EFCAB8: variants seen among roughly 807,000 people sequenced by gnomAD.
EFCAB8 encodes EF-hand calcium binding domain 8, also known as EF-hand calcium-binding domain-containing protein 8.
EFCAB8 carries 100 observed loss-of-function variants against 116.3 expected under a neutral mutation model. The ratio of observed to expected loss-of-function variants is 0.86; its 90% CI spans 0.73 to 1.02. The LOEUF (loss-of-function observed/expected upper bound fraction) is 1.02. Among genes scored for constraint, EFCAB8 ranks in the 50% least tolerant of loss-of-function variants. The probability of loss-of-function intolerance (pLI) is 0.00; values close to 1 mark genes in which losing one functional copy is unlikely to be tolerated. For synonymous variants in EFCAB8, 558 were observed against 567.9 expected (o/e 0.98, Z 0.25); for missense variants, 1,320 against 1,416.9 (o/e 0.93, Z 1.10).
At chr20:32,944,235 T>TG (rs1028600335) in intron 23 of EFCAB8, among the ~76,000 whole-genome samples, 14 of 152,146 alleles carry the variant, frequency 9.2e-5, no homozygotes, top group African/African-American at 3.4e-4. Flanking sequence ...AACACTTTTT[T>TG]GTCCCCTTTT....
At chr20:32,875,529 G>GTTTT (rs1984925772) in intron 3 of EFCAB8, among the ~76,000 whole-genome samples, 1 of 65,572 alleles carries the variant, frequency 1.5e-5, no homozygotes, top group Non-Finnish European at 5.0e-5. Flanking sequence ...TTGAGACAGA[G>GTTTT]TTTTCTCTCT....
intron 6 of EFCAB8, among the ~76,000 whole-genome samples, chr20:32,888,636 G>A (rs1240538873): frequency 6.6e-6 from 1 of 152,190 alleles, no homozygotes; most frequent in Admixed American, 6.5e-5. Flanking sequence ...GATTACAGGC[G>A]TGAGCCACTG....
At chr20:32,904,174 G>T (rs1218893141) in intron 11 of EFCAB8, among the ~76,000 whole-genome samples, 5 of 151,598 alleles carry the variant, frequency 3.3e-5, no homozygotes, top group Non-Finnish European at 7.4e-5. Flanking sequence ...TAATTTTTTT[G>T]TACAGATGGG....
At chr20:32,905,149 C>T (rs1986616957) in intron 11 of EFCAB8, among the ~76,000 whole-genome samples, 1 of 152,200 alleles carries the variant, frequency 6.6e-6, no homozygotes, top group Admixed American at 6.5e-5. Flanking sequence ...GAGCTTCCTG[C>T]CACCTCCTGC....
chr20:32,915,911 G>A (rs191407805), intron 17 of EFCAB8, among the ~76,000 whole-genome samples: 109 of 152,204 alleles, frequency 7.2e-4, no homozygotes, highest in Middle Eastern at 3.4e-3. Context: ...GGCCTCAAGT[G>A]ATCCACCTGT....
chr20:32,916,445 G>C (rs977075583), intron 17 of EFCAB8, among the ~76,000 whole-genome samples: 5 of 152,042 alleles, frequency 3.3e-5, no homozygotes, highest in African/African-American at 1.2e-4. Flanking sequence ...TTTTTGTAGA[G>C]ATGTGGTCTT....
chr20:32,938,733 A>C (rs1988218260), intron 22 of EFCAB8, among the ~76,000 whole-genome samples: 1 of 149,786 alleles, frequency 6.7e-6, no homozygotes, highest in Admixed American at 6.6e-5. Context: ...GCAAAACTTG[A>C]TTCCTGAAAA....
intron 11 of EFCAB8, among the ~76,000 whole-genome samples, chr20:32,905,344 C>T (rs1986624832): frequency 6.6e-6 from 1 of 152,162 alleles, no homozygotes; most frequent in Admixed American, 6.5e-5. Context: ...GACAGGGACG[C>T]CTGTGTAGTT....
At position 32,866,516 on chromosome 20, in the gene EFCAB8, G is replaced by T. The variant is rs374008340; in HGVS notation, c.43-1066G>T. On this transcript the variant is annotated intron_variant, in intron 2 of 26. Transcript: ENST00000400522. The stretch of plus-strand genomic sequence containing the variant: ...AGGAAGCATCATGAGGCCTGGAGGG[G>T]TGGGGAAGGCTTCTGGGGGGATTTG... Among the ~76,000 whole-genome samples the T allele has an allele frequency of 5.3e-4, 80 of 151,908 alleles. 1 individual carries two copies. The highest frequency in any genetic ancestry group is 1.7e-3 in the African/African-American group (70 of 41,416).
At chr20:32,909,097 CG>C (rs1427358298) in intron 14 of EFCAB8, among the ~76,000 whole-genome samples, 1 of 152,146 alleles carries the variant, frequency 6.6e-6, no homozygotes, top group East Asian at 1.9e-4. Flanking sequence ...GGGGGCCGCT[CG>C]TGCTTGAGCT....
Position 32,930,540 on chromosome 20 carries a change from A to T in EFCAB8, c.2555A>T (p.Asp852Val), listed in dbSNP as rs1461206607. Residue 852 changes from aspartate to valine, a missense_variant, in exon 21 of 27, where the codon GAT becomes GTT. Asp to Val is a radical substitution (Grantham distance 152). Transcript: ENST00000400522. ...TTCCCTGTGGACCTAGACAATGGGG[A>T]TGTTGTCGTGGGTGCCATGGCCACT... Reference protein sequence around the residue: ...GKFPVDLDNGDVVVGAMATDK... With the variant: ...GKFPVDLDNGVVVVGAMATDK... 5.2e-6 allele frequency: 8 copies of T among 1,552,254 alleles called. No homozygotes were observed. Among genetic ancestry groups the T allele is most frequent in the Non-Finnish European group, 7.0e-6 (8 of 1,147,108 alleles).
At chr20:32,891,953 C>G (rs771643161) in intron 7 of EFCAB8, among the ~76,000 whole-genome samples, 1 of 152,092 alleles carries the variant, frequency 6.6e-6, no homozygotes, top group African/African-American at 2.4e-5. Context: ...CTTAGCCTCC[C>G]TAAGTGCTGG....
rs151046269 is a variant in EFCAB8, at chr20:32,960,275, C to T, written c.3393+114C>T. ...GCCCTTCAGTGAGGGTGGACAGGAG[C>T]CTTTGTCCTTTAACAGGATTCTGGG... On this transcript the variant is annotated intron_variant, in intron 26 of 26. Coordinates refer to ENST00000400522, the MANE Select transcript of EFCAB8 (RefSeq NM_001143967.2). 8,340 of 970,188 alleles carry T rather than the reference C, an allele frequency of 8.6e-3. 88 individuals are homozygous for T. The highest frequency in any genetic ancestry group is 8.4e-3 in the Non-Finnish European group (5,385 of 643,342). The allele number at this position is 970,188 out of a possible 1,614,324, so 60.1% of individuals were successfully genotyped here. A position where few individuals can be genotyped will look rare whatever the true frequency, so the allele number is the denominator to read the frequency against.
intron 6 of EFCAB8, among the ~76,000 whole-genome samples, chr20:32,887,083 C>T (rs987773498): frequency 6.6e-6 from 1 of 152,088 alleles, no homozygotes; most frequent in Non-Finnish European, 1.5e-5. Context: ...CTGGGGAGCC[C>T]GAGAGCGCAG....
chr20:32,900,676 C>T (rs1475378104), intron 11 of EFCAB8, among the ~76,000 whole-genome samples: 2 of 152,228 alleles, frequency 1.3e-5, no homozygotes, highest in East Asian at 3.8e-4. Context: ...AAGCAGTTCC[C>T]CTGCCTCAGC....
rs367858707 is a variant in EFCAB8 at position 32,881,048 on chromosome 20, A to G, written c.431+2241A>G. 7.9e-5 allele frequency among the ~76,000 whole-genome samples: 12 copies of G among 152,262 alleles called. No individual in the cohort carries two copies. The East Asian group carries it at 2.3e-3, about 29-fold the overall frequency. ...TCATTAATAATTCATCCCATCCATC[A>G]TAGTATATGAATGTCTCCCAGGCTG... is the stretch of plus-strand genomic sequence containing the variant. On this transcript the variant is annotated intron_variant, in intron 5 of 26. Transcript: ENST00000400522.
chr20:32,871,814 C>G (rs1984696881), intron 3 of EFCAB8, among the ~76,000 whole-genome samples: 1 of 152,116 alleles, frequency 6.6e-6, no homozygotes, highest in East Asian at 1.9e-4. Context: ...TGTAAGTTCC[C>G]TTTTCCTAGC....
intron 1 of EFCAB8, among the ~76,000 whole-genome samples, chr20:32,859,437 C>A (rs747556760): frequency 2.0e-5 from 3 of 152,122 alleles, no homozygotes; most frequent in Non-Finnish European, 4.4e-5. Context: ...TTGGCCTCTC[C>A]CCTCTTGCTT....
At chr20:32,927,276 G>C (rs538780631) in intron 20 of EFCAB8, among the ~76,000 whole-genome samples, 1 of 152,208 alleles carries the variant, frequency 6.6e-6, no homozygotes, top group African/African-American at 2.4e-5. Context: ...TGAACTTCAC[G>C]AGTAAATCTG....
Sources: allele counts gnomAD v4.1 joint callset (sites outside exome capture counted in the v4.1 genomes callset), GRCh38; gene constraint gnomAD v4.1.1; transcripts MANE v1.5; gene names NCBI Gene and HGNC (gene_info 2026-07-23, HGNC 2026-07-21).